The following SIAH1 variants were observed in gnomAD, a reference collection of about 807,000 sequenced individuals.
SIAH1 encodes E3 ubiquitin-protein ligase SIAH1.
Under a neutral mutation model 20.0 loss-of-function variants are expected in SIAH1, and 2 were observed. The ratio of observed to expected loss-of-function variants is 0.10; its 90% CI spans 0.04 to 0.31. The LOEUF is 0.31. Ranked by LOEUF, SIAH1 falls within the 10% of genes least tolerant of loss-of-function variation. The pLI is 1.00. For synonymous variants in SIAH1, 118 were observed against 125.3 expected (o/e 0.94, Z 0.39); for missense variants, 119 against 355.3 (o/e 0.33, Z 5.35).
chr16:48,361,446 C>T lies in SIAH1; in HGVS notation c.*134G>A. On this transcript the variant is annotated 3_prime_UTR_variant, in exon 2 of 2. Coordinates refer to ENST00000394725, the MANE Select transcript of SIAH1 (RefSeq NM_003031.4). ...TGCAACTGTTTCCTGTATTTAACAG[C>T]CTTTCTTTTTATTTACCTTCATGTG... 1.3e-6 allele frequency: 1 copy of T among 791,124 alleles called. No individual in the cohort carries two copies. The highest frequency in any genetic ancestry group is 2.6e-5 in the East Asian group (1 of 38,854). The allele number at this position is 791,124 out of a possible 1,614,324, so 49.0% of individuals were successfully genotyped here. A position where few individuals can be genotyped will look rare whatever the true frequency, so the allele number is the denominator to read the frequency against.
In SIAH1 at chr16:48,364,099, G is replaced by A. The variant is rs538297948; in HGVS notation, c.-2-1669C>T. Among the ~76,000 whole-genome samples, 11 of 151,704 alleles carry A rather than the reference G, an allele frequency of 7.3e-5. No homozygotes were observed. The South Asian group carries it at 1.9e-3, about 26-fold the overall frequency. The stretch of plus-strand genomic sequence containing the variant: ...CAAGTAGCTGGGATTACAGGGGCCC[G>A]CCACCATGCCCGACTAATTTTTGTA... On this transcript the variant is annotated intron_variant, in intron 1 of 1. Transcript: ENST00000394725.
intron 1 of SIAH1, among the ~76,000 whole-genome samples, chr16:48,366,463 T>C (rs1281617719): frequency 6.6e-6 from 1 of 152,202 alleles, no homozygotes; most frequent in African/African-American, 2.4e-5. Flanking sequence ...GCAGGAAAAG[T>C]AGTAAGCACA....
At chr16:48,374,163 T>G (rs1639796163) in intron 1 of SIAH1, among the ~76,000 whole-genome samples, 1 of 152,238 alleles carries the variant, frequency 6.6e-6, no homozygotes, top group Admixed American at 6.5e-5. Flanking sequence ...CTTATTATTT[T>G]TTATTTGTTG....
upstream of SIAH1, among the ~76,000 whole-genome samples, chr16:48,385,864 G>C (rs1051447736): frequency 6.6e-6 from 1 of 152,150 alleles, no homozygotes; most frequent in Non-Finnish European, 1.5e-5. Flanking sequence ...GCGCCTCCAC[G>C]GATCCTTCCC....
At chr16:48,385,933 C>T (rs963222684), upstream of SIAH1, among the ~76,000 whole-genome samples, 1 of 152,204 alleles carries the variant, frequency 6.6e-6, no homozygotes, top group Non-Finnish European at 1.5e-5. Context: ...GGACCCCACC[C>T]CTAAAGAGAG....
At chr16:48,371,247 C>T in intron 1 of SIAH1, among the ~76,000 whole-genome samples, 1 of 152,250 alleles carries the variant, frequency 6.6e-6, no homozygotes, top group South Asian at 2.1e-4. Flanking sequence ...TGAATAGCTA[C>T]TGCACTCCAG....
intron 1 of SIAH1, among the ~76,000 whole-genome samples, chr16:48,371,815 A>G (rs1960992741): frequency 6.6e-6 from 1 of 152,188 alleles, no homozygotes; most frequent in South Asian, 2.1e-4. Flanking sequence ...TTACTACCTT[A>G]TGTTTTATAT....
chr16:48,365,553 AGC>A (rs1486018856), intron 1 of SIAH1: 2 of 1,545,784 alleles, frequency 1.3e-6, no homozygotes, highest in East Asian at 4.6e-5. Flanking sequence ...TCTGCTCCTA[AGC>A]ACAGAAGACC....
chr16:48,385,915 GC>G (rs1287704784), upstream of SIAH1, among the ~76,000 whole-genome samples: 1 of 152,106 alleles, frequency 6.6e-6, no homozygotes, highest in East Asian at 1.9e-4. Context: ...TGCCCTGCCC[GC>G]CGACCGGGAC....
At chr16:48,385,171 G>A (rs2151057439) in intron 1 of SIAH1, 33 bp downstream of exon 1, 4 of 250,898 alleles carry the variant, frequency 1.6e-5, no homozygotes, top group South Asian at 6.1e-5. Context: ...GCCCCTCGCC[G>A]CCGGCTCCTC....
chr16:48,361,947 T>G lies in SIAH1; in HGVS notation c.482A>C (p.Glu161Ala). 6.2e-7 allele frequency: 1 copy of G among 1,614,024 alleles called. No individual in the cohort carries two copies. Among genetic ancestry groups the G allele is most frequent in the African/African-American group, 1.3e-5 (1 of 74,978 alleles). ...GTCTGTAGCAAGAAAAACTATATCC[T>G]CTCCCTGTAGGGTTGTAATGGACTT... Reference protein sequence around the residue: ...QHKSITTLQGEDIVFLATDIN... With the variant: ...QHKSITTLQGADIVFLATDIN... Residue 161 changes from glutamate to alanine, a missense_variant, in exon 2 of 2, where the codon GAG becomes GCG. Glu to Ala is a moderately radical substitution (Grantham distance 107, BLOSUM62 -1). Transcript: ENST00000394725.
chr16:48,360,904 C>T lies in SIAH1; in HGVS notation c.*676G>A, dbSNP rs1960558069. On this transcript the variant is annotated 3_prime_UTR_variant, in exon 2 of 2. Coordinates refer to ENST00000394725, the MANE Select transcript of SIAH1 (RefSeq NM_003031.4). ...TTACTTTCTGGAACTCATGGCTTCA[C>T]AAAATAGCTGATTTTAAAATATTTC... 6.6e-6 allele frequency: 1 copy of T among 152,024 alleles called. No individual in the cohort carries two copies. Among genetic ancestry groups the T allele is most frequent in the South Asian group, 2.1e-4 (1 of 4,828 alleles). The allele number at this position is 152,024 out of a possible 1,614,324, so 9.4% of individuals were successfully genotyped here.
At chr16:48,376,837 C>T (rs1329443045) in intron 1 of SIAH1, among the ~76,000 whole-genome samples, 3 of 152,136 alleles carry the variant, frequency 2.0e-5, no homozygotes, top group Non-Finnish European at 4.4e-5. Context: ...AGCTACCTTA[C>T]CCAACAAGCC....
intron 1 of SIAH1, among the ~76,000 whole-genome samples, chr16:48,377,573 G>A (rs117830633): frequency 0.04 from 6,055 of 152,020 alleles, 165 homozygotes; most frequent in Middle Eastern, 0.072. Context: ...ATTTTTAGTA[G>A]AGACAAGGAC....
chr16:48,378,892 T>C (rs1961180639), intron 1 of SIAH1, among the ~76,000 whole-genome samples: 1 of 152,238 alleles, frequency 6.6e-6, no homozygotes, highest in South Asian at 2.1e-4. Context: ...CTCCTTATCC[T>C]TGGACACCAG....
intron 1 of SIAH1, among the ~76,000 whole-genome samples, chr16:48,384,978 G>A (rs1011703613): frequency 3.4e-5 from 5 of 146,526 alleles, no homozygotes; most frequent in African/African-American, 1.2e-4. Flanking sequence ...GGGGCTCCAG[G>A]GGCGGGGGCG....
chr16:48,380,555 T>C (rs1460263259), intron 1 of SIAH1, among the ~76,000 whole-genome samples: 1 of 151,608 alleles, frequency 6.6e-6, no homozygotes, highest in Non-Finnish European at 1.5e-5. Context: ...CAAAGAGATA[T>C]ACAGATAACA....
intron 1 of SIAH1, chr16:48,365,280 GA>G (rs1365240041): frequency 8.6e-7 from 1 of 1,160,414 alleles, no homozygotes. Context: ...GAGAACCTCG[GA>G]AACGTCTCGA....
intron 1 of SIAH1, among the ~76,000 whole-genome samples, chr16:48,366,359 T>C (rs988668693): frequency 1.3e-5 from 2 of 152,208 alleles, no homozygotes; most frequent in South Asian, 2.1e-4. Flanking sequence ...TTACCGGGCA[T>C]CAACTACCAT....
Sources: allele counts gnomAD v4.1 joint callset (sites outside exome capture counted in the v4.1 genomes callset), GRCh38; gene constraint gnomAD v4.1.1; transcripts MANE v1.5; gene names NCBI Gene and HGNC (gene_info 2026-07-23, HGNC 2026-07-21).